The following CABCOCO1 variants were observed in gnomAD, a reference collection of about 807,000 sequenced individuals.
The protein encoded by CABCOCO1 is ciliary-associated calcium-binding coiled-coil protein 1.
In CABCOCO1, 28 loss-of-function variants were observed where a neutral mutation model predicts 35.7. That is an observed-to-expected ratio of 0.78 (90% CI 0.58 to 1.07). The LOEUF (loss-of-function observed/expected upper bound fraction) is 1.07, where lower values mean the gene tolerates loss of function less well. Ranked by LOEUF, CABCOCO1 falls within the 50% of genes least tolerant of loss-of-function variation. The pLI is 0.00. For missense variants in CABCOCO1, 326 were observed against 309.2 expected (o/e 1.05, Z -0.41); for synonymous variants, 95 against 100.1 (o/e 0.95, Z 0.30).
chr10:61,752,790 C>CA (rs34064188), intron 5 of CABCOCO1, among the ~76,000 whole-genome samples: 20,915 of 152,104 alleles, frequency 0.14, 1,820 homozygotes, highest in East Asian at 0.24. Flanking sequence ...AATTTAGCAC[C>CA]AAAGCTTTTT....
chr10:61,706,902 GGGATAAT>G (rs1840605916), intron 5 of CABCOCO1, among the ~76,000 whole-genome samples: 1 of 152,106 alleles, frequency 6.6e-6, no homozygotes, highest in African/African-American at 2.4e-5. Flanking sequence ...AATCACCCGA[GGGATAAT>G]AACAGATAGG....
intron 5 of CABCOCO1, among the ~76,000 whole-genome samples, chr10:61,693,197 C>T (rs1021666195): frequency 6.6e-6 from 1 of 152,056 alleles, no homozygotes; most frequent in African/African-American, 2.4e-5. Context: ...ACTGGGGCTT[C>T]AAGAATTAGG....
rs983937443 is a variant in CABCOCO1 at position 61,754,914 on chromosome 10, G to A, written c.553-5145G>A. On this transcript the variant is annotated intron_variant, in intron 5 of 7. Transcript: ENST00000648843. Reference sequence around the variant, plus strand: ...GCTATTAGATGTCTATTCATACTCTGCAGAAGCCTGGCAACATTTTGAACC... The same window carrying A: ...GCTATTAGATGTCTATTCATACTCTACAGAAGCCTGGCAACATTTTGAACC... Among the ~76,000 whole-genome samples, 4 of 152,104 alleles carry A rather than the reference G, an allele frequency of 2.6e-5. No individual in the cohort carries two copies. In the East Asian group the frequency reaches 5.8e-4, roughly 22 times the overall value.
At chr10:61,755,366 G>T (rs370027960) in intron 5 of CABCOCO1, among the ~76,000 whole-genome samples, 1 of 152,030 alleles carries the variant, frequency 6.6e-6, no homozygotes, top group Non-Finnish European at 1.5e-5. Flanking sequence ...TTTCTTCAAG[G>T]GGGGGAAAAT....
Position 61,720,917 on chromosome 10 carries a change from C to CTTTTTTTTTTTTTTTTTTTTTTTTTTTTT in CABCOCO1, c.552+30321_552+30322insTTTTTTTTTTTTTTTTTTTTTTTTTTTTT, listed in dbSNP as rs71018996. Among the ~76,000 whole-genome samples the CTTTTTTTTTTTTTTTTTTTTTTTTTTTTT allele has an allele frequency of 2.4e-4, 16 of 65,970 alleles. 3 individuals are homozygous for CTTTTTTTTTTTTTTTTTTTTTTTTTTTTT. The highest frequency in any genetic ancestry group is 3.0e-4 in the Non-Finnish European group (10 of 33,064). The allele number at this position is 65,970 out of a possible 152,430, so 43.3% of individuals were successfully genotyped here. ...TGCTTTTTCTTCTTTTCTTTTCATT[C>CTTTTTTTTTTTTTTTTTTTTTTTTTTTTT]TTTTTTTTTTTTTTTTTTTTTTTTT... On this transcript the variant is annotated intron_variant, in intron 5 of 7. Coordinates refer to ENST00000648843, the MANE Select transcript of CABCOCO1 (RefSeq NM_001366906.2).
intron 3 of CABCOCO1, among the ~76,000 whole-genome samples, chr10:61,682,548 T>A (rs961884751): frequency 2.6e-5 from 4 of 152,200 alleles, no homozygotes; most frequent in African/African-American, 9.7e-5. Flanking sequence ...GATGTGAATG[T>A]TAGCAAGTAA....
intron 5 of CABCOCO1, among the ~76,000 whole-genome samples, chr10:61,714,909 G>C (rs1466909472): frequency 6.6e-6 from 1 of 152,154 alleles, no homozygotes; most frequent in Admixed American, 6.5e-5. Context: ...TTTTACATTT[G>C]CTGAGGAGTG....
chr10:61,723,291 A>G (rs182504304), intron 5 of CABCOCO1, among the ~76,000 whole-genome samples: 1 of 152,368 alleles, frequency 6.6e-6, no homozygotes, highest in Admixed American at 6.5e-5. Context: ...ATTCTCACAC[A>G]TTACTGATAG....
At chr10:61,752,200 G>A (rs1181078285) in intron 5 of CABCOCO1, among the ~76,000 whole-genome samples, 1 of 152,114 alleles carries the variant, frequency 6.6e-6, no homozygotes. Flanking sequence ...CCTTGCCTAG[G>A]AGGAAGGGCT....
At chr10:61,673,567 C>A (rs774925236) in intron 2 of CABCOCO1, among the ~76,000 whole-genome samples, 1 of 152,118 alleles carries the variant, frequency 6.6e-6, no homozygotes, top group Non-Finnish European at 1.5e-5. Flanking sequence ...ACTGACAAAT[C>A]TTACAAATGT....
chr10:61,739,442 A>T (rs1366250358), intron 5 of CABCOCO1, among the ~76,000 whole-genome samples: 1 of 152,226 alleles, frequency 6.6e-6, no homozygotes, highest in Non-Finnish European at 1.5e-5. Context: ...GTTCTCATGT[A>T]AATGTTATAA....
intron 5 of CABCOCO1, among the ~76,000 whole-genome samples, chr10:61,735,707 G>A (rs925602749): frequency 6.6e-6 from 1 of 152,156 alleles, no homozygotes; most frequent in Non-Finnish European, 1.5e-5. Context: ...CTTGATGAGA[G>A]TTGGAGAAGA....
chr10:61,737,941 AC>A (rs775778743), intron 5 of CABCOCO1, among the ~76,000 whole-genome samples: 1 of 152,006 alleles, frequency 6.6e-6, no homozygotes, highest in Admixed American at 6.6e-5. Flanking sequence ...CTCCACATGT[AC>A]CCCCAAACTA....
intron 5 of CABCOCO1, among the ~76,000 whole-genome samples, chr10:61,705,964 G>A (rs1392277949): frequency 1.3e-5 from 2 of 152,168 alleles, no homozygotes; most frequent in African/African-American, 4.8e-5. Flanking sequence ...GAATGAAAGA[G>A]ACTGTCTAGA....
intron 3 of CABCOCO1, among the ~76,000 whole-genome samples, chr10:61,682,282 G>A (rs1186132614): frequency 6.6e-6 from 1 of 152,170 alleles, no homozygotes; most frequent in African/African-American, 2.4e-5. Flanking sequence ...AACTATGAGA[G>A]AGAAAGTACA....
At chr10:61,669,342 T>A (rs1839290034) in intron 1 of CABCOCO1, among the ~76,000 whole-genome samples, 1 of 152,036 alleles carries the variant, frequency 6.6e-6, no homozygotes, top group East Asian at 1.9e-4. Flanking sequence ...ACTCTTAAAA[T>A]CCACCAGGTG....
chr10:61,685,680 C>T (rs937341705), intron 3 of CABCOCO1, among the ~76,000 whole-genome samples: 1 of 152,132 alleles, frequency 6.6e-6, no homozygotes, highest in Non-Finnish European at 1.5e-5. Context: ...CCCAACTCAG[C>T]CCCCCAAGTA....
intron 5 of CABCOCO1, among the ~76,000 whole-genome samples, chr10:61,704,093 A>G (rs1477113917): frequency 1.3e-5 from 2 of 151,840 alleles, no homozygotes; most frequent in Non-Finnish European, 2.9e-5. Context: ...GCGTGGTGGC[A>G]GGCACCTGCA....
chr10:61,704,062 CAA>C (rs61338848), intron 5 of CABCOCO1, among the ~76,000 whole-genome samples: 1 of 144,076 alleles, frequency 6.9e-6, no homozygotes, highest in Admixed American at 6.9e-5. Context: ...ATTAAAAATA[CAA>C]AAAAAAAAAA....
Sources: allele counts gnomAD v4.1 joint callset (sites outside exome capture counted in the v4.1 genomes callset), GRCh38; gene constraint gnomAD v4.1.1; transcripts MANE v1.5; gene names NCBI Gene and HGNC (gene_info 2026-07-23, HGNC 2026-07-21).